Variants in SPHKAP observed in about 807,000 individuals in gnomAD.
SPHKAP encodes the protein A-kinase anchor protein SPHKAP.
A neutral mutation model predicts 137.5 loss-of-function variants in SPHKAP; 67 were observed. The observed-to-expected ratio is 0.49, with a 90% CI of 0.40 to 0.60. The LOEUF is 0.60. SPHKAP is among the 20% of genes least tolerant of loss of function. SPHKAP has a pLI of 0.00. For synonymous variants in SPHKAP, 813 were observed against 785.3 expected (o/e 1.04, Z -0.59); for missense variants, 2,097 against 2,069.3 (o/e 1.01, Z -0.26).
chr2:228,059,156 G>A (rs542222303), intron 3 of SPHKAP, among the ~76,000 whole-genome samples: 1 of 152,298 alleles, frequency 6.6e-6, no homozygotes, highest in Non-Finnish European at 1.5e-5. Context: ...ATATTCTACT[G>A]TCTGGATGCA....
chr2:228,143,539 A>C (rs1699671237), intron 1 of SPHKAP, among the ~76,000 whole-genome samples: 1 of 151,810 alleles, frequency 6.6e-6, no homozygotes, highest in Non-Finnish European at 1.5e-5. Flanking sequence ...TCTGTCGCCC[A>C]GGCTGGAGTG....
intron 8 of SPHKAP, chr2:227,994,222 C>A (rs540626727): frequency 3.6e-5 from 9 of 251,350 alleles, no homozygotes; most frequent in African/African-American, 2.1e-4. Flanking sequence ...CTTTATCTTA[C>A]AATCTTCAAG....
intron 3 of SPHKAP, among the ~76,000 whole-genome samples, chr2:228,064,297 A>T (rs1344679357): frequency 6.6e-6 from 1 of 152,190 alleles, no homozygotes; most frequent in East Asian, 1.9e-4. Context: ...TCACGACTCA[A>T]CTTAGTATTT....
intron 3 of SPHKAP, among the ~76,000 whole-genome samples, chr2:228,059,652 ACTT>A (rs1696569100): frequency 6.6e-6 from 1 of 152,226 alleles, no homozygotes; most frequent in African/African-American, 2.4e-5. Flanking sequence ...GTAACACGAA[ACTT>A]AAATACAGCA....
chr2:228,034,354 G>C (rs1695488033), intron 3 of SPHKAP, among the ~76,000 whole-genome samples: 1 of 152,092 alleles, frequency 6.6e-6, no homozygotes. Flanking sequence ...TCTGAGTAGA[G>C]CAATAACAGG....
intron 3 of SPHKAP, among the ~76,000 whole-genome samples, chr2:228,031,765 G>C (rs928316043): frequency 3.3e-5 from 5 of 152,210 alleles, no homozygotes; most frequent in Admixed American, 6.5e-5. Flanking sequence ...CTGATACCAA[G>C]ACAAACATGG....
At chr2:228,037,241 T>G (rs914180054) in intron 3 of SPHKAP, among the ~76,000 whole-genome samples, 4 of 152,184 alleles carry the variant, frequency 2.6e-5, no homozygotes, top group African/African-American at 9.7e-5. Flanking sequence ...TTTCTGATTT[T>G]CAATGCTGTA....
chr2:228,077,165 G>A (rs1006608591), intron 3 of SPHKAP, among the ~76,000 whole-genome samples: 1 of 152,130 alleles, frequency 6.6e-6, no homozygotes, highest in Non-Finnish European at 1.5e-5. Context: ...TATGTTTGCT[G>A]TAGGGGCGAG....
At chr2:228,020,202 G>T in intron 6 of SPHKAP, 46 bp from the exon 7 acceptor site, 1 of 1,528,870 alleles carries the variant, frequency 6.5e-7, no homozygotes, top group Non-Finnish European at 8.7e-7. Flanking sequence ...TGGATAGCAG[G>T]TTACCATAAG....
At chr2:228,142,653 G>C (rs766991894) in intron 1 of SPHKAP, among the ~76,000 whole-genome samples, 12 of 152,060 alleles carry the variant, frequency 7.9e-5, no homozygotes, top group African/African-American at 2.4e-5. Context: ...AATGACAAGA[G>C]CATACGGACA....
At chr2:228,040,881 CATT>C (rs1695812544) in intron 3 of SPHKAP, among the ~76,000 whole-genome samples, 1 of 152,090 alleles carries the variant, frequency 6.6e-6, no homozygotes, top group African/African-American at 2.4e-5. Context: ...ATATGTAACA[CATT>C]ATATTTATTT....
intron 3 of SPHKAP, among the ~76,000 whole-genome samples, chr2:228,037,311 C>CA (rs1695660081): frequency 6.6e-6 from 1 of 152,196 alleles, no homozygotes; most frequent in South Asian, 2.1e-4. Flanking sequence ...AAAGAGGACC[C>CA]AATCTTGCAC....
At chr2:228,030,239 C>A (rs545072694) in intron 3 of SPHKAP, among the ~76,000 whole-genome samples, 57 of 151,976 alleles carry the variant, frequency 3.8e-4, no homozygotes, top group Middle Eastern at 3.4e-3. Context: ...ATAACGGCCG[C>A]GTACGGTGGC....
chr2:228,152,954 G>T (rs377015918), intron 1 of SPHKAP, among the ~76,000 whole-genome samples: 1 of 152,198 alleles, frequency 6.6e-6, no homozygotes, highest in East Asian at 1.9e-4. Flanking sequence ...GAATCATGGA[G>T]GGAGTTTCCC....
intron 7 of SPHKAP, among the ~76,000 whole-genome samples, chr2:227,997,347 A>G (rs771422502): frequency 6.6e-6 from 1 of 152,204 alleles, no homozygotes; most frequent in African/African-American, 2.4e-5. Context: ...TCGAGCATAC[A>G]TTCTGCCATC....
rs942260396 is a variant in SPHKAP, at chr2:227,980,449, C to T, written c.*1268G>A. On this transcript the variant is annotated 3_prime_UTR_variant, in exon 12 of 12. Transcript: ENST00000392056. ...AGTAAAAGTATAGTTATCCAGAAGT[C>T]CTTAATAAACACCTCTTTGATCAAG... 15 of 152,200 alleles carry T rather than the reference C, an allele frequency of 9.9e-5. No individual in the cohort carries two copies. The highest frequency in any genetic ancestry group is 6.8e-3 in the Middle Eastern group (2 of 294). The allele number at this position is 152,200 out of a possible 1,614,324, so 9.4% of individuals were successfully genotyped here.
At chr2:228,053,237 C>T (rs1237488132) in intron 3 of SPHKAP, among the ~76,000 whole-genome samples, 2 of 152,220 alleles carry the variant, frequency 1.3e-5, no homozygotes, top group African/African-American at 2.4e-5. Context: ...ATTCTCATAA[C>T]CTCATTTAAC....
In SPHKAP at chr2:228,066,185, T is replaced by A. The variant is rs567340225; in HGVS notation, c.247-38642A>T. On this transcript the variant is annotated intron_variant, in intron 3 of 11. Transcript: ENST00000392056. Reference sequence around the variant, plus strand: ...CTATTTTTCTCTAATAATTATACAATGGAATAAGTGTCAGAGAAGCCCCAA... The same window carrying A: ...CTATTTTTCTCTAATAATTATACAAAGGAATAAGTGTCAGAGAAGCCCCAA... 1.3e-4 allele frequency among the ~76,000 whole-genome samples: 20 copies of A among 152,294 alleles called. No individual in the cohort carries two copies. The South Asian group carries it at 3.9e-3, about 30-fold the overall frequency.
intron 1 of SPHKAP, among the ~76,000 whole-genome samples, chr2:228,134,557 G>A (rs1441650541): frequency 6.6e-6 from 1 of 152,212 alleles, no homozygotes; most frequent in Non-Finnish European, 1.5e-5. Flanking sequence ...ACATCTCTTT[G>A]AATGCTTTCT....
Sources: gnomAD v4.1 joint callset for allele counts (sites outside exome capture counted in the v4.1 genomes callset) on GRCh38, gnomAD v4.1.1 for gene constraint, MANE v1.5 for transcripts, NCBI Gene and HGNC (gene_info 2026-07-23, HGNC 2026-07-21) for gene names.